Variants in SLC13A3 observed in about 807,000 individuals in gnomAD.
The protein encoded by SLC13A3 is Na(+)/dicarboxylate cotransporter 3.
In SLC13A3, 40 loss-of-function variants were observed where a neutral mutation model predicts 59.0. The ratio of observed to expected loss-of-function variants is 0.68; its 90% confidence interval spans 0.53 to 0.88. SLC13A3 has a LOEUF of 0.88. Among genes scored for constraint, SLC13A3 ranks in the 40% least tolerant of loss-of-function variants. The pLI is 0.00. For missense variants in SLC13A3, 699 were observed against 783.2 expected (o/e 0.89, Z 1.28); for synonymous variants, 317 against 330.3 (o/e 0.96, Z 0.44).
chr20:46,578,399 G>A (rs2062100014), intron 9 of SLC13A3, among the ~76,000 whole-genome samples: 1 of 151,954 alleles, frequency 6.6e-6, no homozygotes, highest in African/African-American at 2.4e-5. Flanking sequence ...ATACTGGCCG[G>A]GCATGGTGGT....
At chr20:46,609,123 A>G (rs2062466154) in intron 3 of SLC13A3, 3 of 1,487,622 alleles carry the variant, frequency 2.0e-6, no homozygotes, top group Non-Finnish European at 9.0e-7. Context: ...ATATGTATCA[A>G]TTCAAATCTT....
chr20:46,571,141 C>T (rs1206141703), intron 10 of SLC13A3, among the ~76,000 whole-genome samples: 1 of 152,142 alleles, frequency 6.6e-6, no homozygotes, highest in Non-Finnish European at 1.5e-5. Flanking sequence ...CTCATTGTCA[C>T]AAGAACAGCA....
In SLC13A3 at chr20:46,592,548, TGAG is replaced by T; in HGVS notation, c.795-22_795-20del. The T allele has an allele frequency of 6.2e-7, 1 of 1,612,436 alleles. No homozygotes were observed. The highest frequency in any genetic ancestry group is 8.5e-7 in the Non-Finnish European group (1 of 1,179,070). On this transcript the variant is annotated intron_variant, in intron 5 of 12. Coordinates refer to ENST00000279027, the MANE Select transcript of SLC13A3 (RefSeq NM_022829.6). ...AAAGAAACTGGAGAACAGCGGGAGA[TGAG>T]AACAGGCCAAGGGCAGCCATGCCCA...
At position 46,610,460 on chromosome 20, in the gene SLC13A3, C is replaced by T. The variant is rs751658943; in HGVS notation, c.527G>A (p.Ser176Asn). ...KEVRKDPSQE[S>N]EENTAAVRRN... ...CACAGCCTCACCTGTGTTCTCTTCA[C>T]TCTCCTGGCTGGGGTCCTTTCGAAC... The change falls in exon 3 of 13, where the codon AGT becomes AAT. Residue 176 changes from serine (S) to asparagine (N), a missense_variant. Coordinates refer to ENST00000279027, the MANE Select transcript of SLC13A3 (RefSeq NM_022829.6). The T allele has an allele frequency of 1.9e-6, 3 of 1,613,338 alleles. No individual in the cohort carries two copies. The highest frequency in any genetic ancestry group is 2.5e-6 in the Non-Finnish European group (3 of 1,179,572).
intron 1 of SLC13A3, among the ~76,000 whole-genome samples, chr20:46,676,247 TACCC>T (rs2063124854): frequency 6.6e-6 from 1 of 151,846 alleles, no homozygotes; most frequent in Admixed American, 6.6e-5. Context: ...TACTGAAAAG[TACCC>T]ATATAAACAT....
chr20:46,565,140 C>G (rs1283847516), intron 11 of SLC13A3, among the ~76,000 whole-genome samples: 1 of 152,136 alleles, frequency 6.6e-6, no homozygotes, highest in Non-Finnish European at 1.5e-5. Flanking sequence ...TTTAAAACTC[C>G]TAGTATAAAA....
At chr20:46,632,577 G>A (rs373441627) in intron 1 of SLC13A3, among the ~76,000 whole-genome samples, 1 of 152,168 alleles carries the variant, frequency 6.6e-6, no homozygotes, top group African/African-American at 2.4e-5. Context: ...TATGGGTTAT[G>A]AGCTTGGCAT....
At chr20:46,579,516 T>G (rs1158079570) in intron 9 of SLC13A3, among the ~76,000 whole-genome samples, 1 of 152,202 alleles carries the variant, frequency 6.6e-6, no homozygotes, top group East Asian at 1.9e-4. Flanking sequence ...CACAAAAGTC[T>G]TTAGTGTTAA....
intron 1 of SLC13A3, among the ~76,000 whole-genome samples, chr20:46,623,418 C>T (rs536368392): frequency 1.5e-3 from 230 of 152,118 alleles, no homozygotes; most frequent in Non-Finnish European, 2.5e-3. Context: ...TTTTTTTGAA[C>T]CAAGGTCTAA....
chr20:46,612,124 C>CTTTTTTTT lies in SLC13A3; in HGVS notation c.377+1328_377+1335dup, dbSNP rs57019153. Among the ~76,000 whole-genome samples the CTTTTTTTT allele has an allele frequency of 5.5e-3, 376 of 68,948 alleles. 5 individuals carry two copies. The highest frequency in any genetic ancestry group is 6.1e-3 in the Non-Finnish European group (243 of 39,766). 45.2% of individuals were successfully genotyped at this position (68,948 alleles called of 152,430 possible). On this transcript the variant is annotated intron_variant, in intron 2 of 12. Transcript: ENST00000279027. ...CTTTCTCTCTTTCTCTCTCTCTTTG[C>CTTTTTTTT]TTTTTTTTTTTTTTTTTTTTTTTGA...
At chr20:46,607,616 A>C (rs1210841612) in intron 3 of SLC13A3, among the ~76,000 whole-genome samples, 1 of 152,202 alleles carries the variant, frequency 6.6e-6, no homozygotes, top group Non-Finnish European at 1.5e-5. Flanking sequence ...ATGCATGGCC[A>C]CCACTGTGTG....
intron 12 of SLC13A3, among the ~76,000 whole-genome samples, chr20:46,560,738 C>A (rs940599565): frequency 6.6e-6 from 1 of 152,018 alleles, no homozygotes; most frequent in African/African-American, 2.4e-5. Context: ...TCAAGACTAC[C>A]CTTGTCCATT....
chr20:46,681,440 AAG>A (rs567537941), intron 1 of SLC13A3, among the ~76,000 whole-genome samples: 203 of 152,060 alleles, frequency 1.3e-3, no homozygotes, highest in South Asian at 0.011. Flanking sequence ...GGGAGGAAGA[AAG>A]AGGGGAAGGA....
In SLC13A3 at chr20:46,566,203, C is replaced by G. The variant is rs760109037; in HGVS notation, c.1494+26G>C. ...GAATGTGTGTTGGGGGAGGGGTGCT[C>G]CCCTCTTCCCCAGAAGGACCCTCAC... On this transcript the variant is annotated intron_variant, in intron 11 of 12. Transcript: ENST00000279027. 1.1e-5 allele frequency: 18 copies of G among 1,600,926 alleles called. 1 individual carries two copies. The highest frequency in any genetic ancestry group is 1.7e-4 in the Middle Eastern group (1 of 5,822).
Position 46,647,602 on chromosome 20 carries a change from C to T in SLC13A3, c.111+3709G>A, listed in dbSNP as rs56281029. 9.7e-3 allele frequency among the ~76,000 whole-genome samples: 1,474 copies of T among 152,282 alleles called. 14 individuals are homozygous for T. The highest frequency in any genetic ancestry group is 0.011 in the Non-Finnish European group (781 of 68,006). On this transcript the variant is annotated intron_variant, in intron 1 of 12. Coordinates refer to ENST00000279027, the MANE Select transcript of SLC13A3 (RefSeq NM_022829.6). ...TGCTGGAAGCGGCAGCCATGCATTC[C>T]AGAGCTCATCCCACTCCTTTTCATC...
chr20:46,583,347 A>T (rs2062157962), intron 9 of SLC13A3: 1 of 1,229,672 alleles, frequency 8.1e-7, no homozygotes, highest in Admixed American at 3.8e-5. Flanking sequence ...TCAAAAACAG[A>T]TAGCAGGCTG....
At chr20:46,653,041 C>T (rs1029684974), upstream of SLC13A3, among the ~76,000 whole-genome samples, 1 of 152,150 alleles carries the variant, frequency 6.6e-6, no homozygotes, top group Non-Finnish European at 1.5e-5. Flanking sequence ...AATTTGCCAT[C>T]TCTATATCCT....
intron 10 of SLC13A3, among the ~76,000 whole-genome samples, chr20:46,569,899 T>C (rs1319546672): frequency 6.6e-6 from 1 of 152,214 alleles, no homozygotes; most frequent in Admixed American, 6.5e-5. Flanking sequence ...AGGGGGTTTG[T>C]TATGGCATAA....
chr20:46,663,182 A>G (rs2063041734), intron 1 of SLC13A3, among the ~76,000 whole-genome samples: 1 of 152,078 alleles, frequency 6.6e-6, no homozygotes, highest in Non-Finnish European at 1.5e-5. Flanking sequence ...AGTGGCTCAC[A>G]CCTGTAATTT....
Sources: allele counts gnomAD v4.1 joint callset (sites outside exome capture counted in the v4.1 genomes callset), GRCh38; gene constraint gnomAD v4.1.1; transcripts MANE v1.5; gene names NCBI Gene and HGNC (gene_info 2026-07-23, HGNC 2026-07-21).